Variants in TOM1L2 observed in about 807,000 individuals in gnomAD.
TOM1L2 encodes the protein TOM1-like protein 2.
A neutral mutation model predicts 67.9 loss-of-function variants in TOM1L2; 31 were observed. The ratio of observed to expected loss-of-function variants is 0.46; its 90% confidence interval spans 0.34 to 0.62. The LOEUF (loss-of-function observed/expected upper bound fraction) is 0.62, where lower values mean the gene tolerates loss of function less well. Among genes scored for constraint, TOM1L2 ranks in the 20% least tolerant of loss-of-function variants. The pLI, the probability that TOM1L2 is intolerant of heterozygous loss-of-function variation, is 0.01. For missense variants in TOM1L2, 606 were observed against 663.5 expected, an observed-to-expected ratio of 0.91 and a Z score of 0.95; for synonymous variants, 256 against 254.0, an observed-to-expected ratio of 1.01 and a Z score of -0.07.
At chr17:17,877,292 C>A (rs1262653119) in intron 7 of TOM1L2, among the ~76,000 whole-genome samples, 1 of 152,254 alleles carries the variant, frequency 6.6e-6, no homozygotes, top group Non-Finnish European at 1.5e-5. Flanking sequence ...CTATTCCCCC[C>A]ACCTCCTACC....
At chr17:17,857,933 T>C (rs1198365495) in intron 12 of TOM1L2, 2 of 1,299,346 alleles carry the variant, frequency 1.5e-6, no homozygotes, top group African/African-American at 2.9e-5. Context: ...AAGTCACTCT[T>C]CAGACGTGAT....
At chr17:17,918,006 T>C (rs917378751) in intron 1 of TOM1L2, among the ~76,000 whole-genome samples, 1 of 152,178 alleles carries the variant, frequency 6.6e-6, no homozygotes, top group Non-Finnish European at 1.5e-5. Context: ...CATATATTTA[T>C]GTCTTCTTTC....
At chr17:17,911,287 G>A (rs1000670022) in intron 1 of TOM1L2, among the ~76,000 whole-genome samples, 11 of 151,878 alleles carry the variant, frequency 7.2e-5, no homozygotes, top group African/African-American at 2.4e-4. Context: ...CTGATTACCC[G>A]AGCTCAGGCC....
chr17:17,874,899 C>T (rs1461955771), intron 7 of TOM1L2, among the ~76,000 whole-genome samples: 1 of 152,166 alleles, frequency 6.6e-6, no homozygotes, highest in African/African-American at 2.4e-5. Flanking sequence ...CAGGGATTTC[C>T]AGGGGTCTCT....
intron 2 of TOM1L2, among the ~76,000 whole-genome samples, chr17:17,903,217 G>A (rs1047129097): frequency 6.6e-6 from 1 of 151,940 alleles, no homozygotes; most frequent in Non-Finnish European, 1.5e-5. Flanking sequence ...TTATATGCCT[G>A]CATTCCTCAT....
chr17:17,891,784 C>CGTGTGTGTGTGT lies in TOM1L2; in HGVS notation c.366+1865_366+1876dup, dbSNP rs374192888. On this transcript the variant is annotated intron_variant, in intron 4 of 14. Transcript: ENST00000379504. ...ATGAGGAAGGTAAAGTGCATGCACA[C>CGTGTGTGTGTGT]GTGTGTGTGTGTGTGTGTGTGTGTG... 3.7e-3 allele frequency among the ~76,000 whole-genome samples: 537 copies of CGTGTGTGTGTGT among 143,218 alleles called. 5 individuals carry two copies. The highest frequency in any genetic ancestry group is 0.018 in the East Asian group (86 of 4,668). The allele number at this position is 143,218 out of a possible 152,430, so 94.0% of individuals were successfully genotyped here.
chr17:17,899,828 T>C lies in TOM1L2; in HGVS notation c.138-1154A>G, dbSNP rs181599107. Among the ~76,000 whole-genome samples the C allele has an allele frequency of 1.9e-4, 29 of 152,356 alleles. No individual in the cohort carries two copies. In the East Asian group the frequency reaches 4.6e-3, roughly 24 times the overall value. ...CCTATTCCTACAGTTTTAAAACATT[T>C]ATACTCTACCAAATGAAAAGGCCCC... On this transcript the variant is annotated intron_variant, in intron 2 of 14. Coordinates refer to ENST00000379504, the MANE Select transcript of TOM1L2 (RefSeq NM_001082968.2).
At chr17:17,853,835 G>C (rs2143566186) in intron 12 of TOM1L2, among the ~76,000 whole-genome samples, 1 of 152,218 alleles carries the variant, frequency 6.6e-6, no homozygotes, top group East Asian at 1.9e-4. Context: ...AGGAGCAGGG[G>C]ACAGAGGCCT....
chr17:17,872,085 G>C, intron 7 of TOM1L2: 1 of 980,408 alleles, frequency 1.0e-6, no homozygotes, highest in Non-Finnish European at 1.2e-6. Flanking sequence ...ATGGCCACAG[G>C]CGCCAATGGA....
intron 13 of TOM1L2, 151 bp downstream of exon 13, chr17:17,850,742 A>G: frequency 1.3e-6 from 1 of 786,722 alleles, no homozygotes. Flanking sequence ...GATGTCGGGG[A>G]GGAGGGGCAG....
intron 1 of TOM1L2, among the ~76,000 whole-genome samples, chr17:17,934,404 T>C (rs2040440651): frequency 6.6e-6 from 1 of 152,114 alleles, no homozygotes; most frequent in African/African-American, 2.4e-5. Context: ...TATGATGTCA[T>C]TAAATCCAGC....
chr17:17,886,824 CAGAG>C lies in TOM1L2; in HGVS notation c.367-2060_367-2057del, dbSNP rs146542892. 8.1e-3 allele frequency among the ~76,000 whole-genome samples: 1,239 copies of C among 152,340 alleles called. 19 individuals are homozygous for C. Among genetic ancestry groups the C allele is most frequent in the African/African-American group, 0.028 (1,151 of 41,556 alleles). ...CTAAGGCACTCTGCTTCCATGTTCACAGAGACAGACTGGAGTGGGAGGGAAATGC... is the reference window on the plus strand; with the variant it reads ...CTAAGGCACTCTGCTTCCATGTTCACACAGACTGGAGTGGGAGGGAAATGC... On this transcript the variant is annotated intron_variant, in intron 4 of 14. Coordinates refer to ENST00000379504, the MANE Select transcript of TOM1L2 (RefSeq NM_001082968.2).
chr17:17,926,489 G>A (rs138010646), intron 1 of TOM1L2, among the ~76,000 whole-genome samples: 10 of 152,202 alleles, frequency 6.6e-5, no homozygotes, highest in African/African-American at 2.4e-4. Context: ...AGATCATCTG[G>A]GAAATTACTC....
intron 7 of TOM1L2, 92 bp downstream of exon 7, chr17:17,879,535 G>A (rs2037602823): frequency 8.0e-6 from 8 of 995,460 alleles, no homozygotes; most frequent in Non-Finnish European, 1.1e-5. Flanking sequence ...GACCTGTCCC[G>A]CCTTGCCGCT....
chr17:17,957,589 A>C (rs1351101722), intron 1 of TOM1L2, among the ~76,000 whole-genome samples: 2 of 151,918 alleles, frequency 1.3e-5, no homozygotes, highest in Non-Finnish European at 2.9e-5. Flanking sequence ...CTCAGTGAAA[A>C]TCATTAGAAG....
Position 17,844,147 on chromosome 17 carries a change from A to C in TOM1L2, c.*3488T>G, listed in dbSNP as rs1343369660. 6.6e-6 allele frequency: 1 copy of C among 152,428 alleles called. No homozygotes were observed. Among genetic ancestry groups the C allele is most frequent in the African/African-American group, 2.4e-5 (1 of 41,452 alleles). The allele number at this position is 152,428 out of a possible 1,614,324, so 9.4% of individuals were successfully genotyped here. A position where few individuals can be genotyped will look rare whatever the true frequency, so the allele number is the denominator to read the frequency against. On this transcript the variant is annotated 3_prime_UTR_variant, in exon 15 of 15. Coordinates refer to ENST00000379504, the MANE Select transcript of TOM1L2 (RefSeq NM_001082968.2). ...GTGCTCCTCCACACTGCTCTTCCAG[A>C]GCTGCCCCAGGGGCTGGCCTGGCCC... is the stretch of plus-strand genomic sequence containing the variant.
At chr17:17,894,149 C>T (rs1321090291) in intron 3 of TOM1L2, among the ~76,000 whole-genome samples, 2 of 152,198 alleles carry the variant, frequency 1.3e-5, no homozygotes, top group Non-Finnish European at 2.9e-5. Flanking sequence ...ATTTTAACTC[C>T]TCTCTCTGGG....
rs771680754 is a variant in TOM1L2 at position 17,884,802 on chromosome 17, C to A, written c.367-34G>T. 2.4e-5 allele frequency: 38 copies of A among 1,611,592 alleles called. 1 individual carries two copies. The South Asian group carries it at 4.1e-4, about 17-fold the overall frequency. ...ATAGAAGGCCTGTTAGGAAGCATTTCTCAGAGCTGCCATGGTATCTGAAAA... is the reference window on the plus strand; with the variant it reads ...ATAGAAGGCCTGTTAGGAAGCATTTATCAGAGCTGCCATGGTATCTGAAAA... On this transcript the variant is annotated intron_variant, in intron 4 of 14. Transcript: ENST00000379504.
intron 1 of TOM1L2, among the ~76,000 whole-genome samples, chr17:17,919,939 C>G (rs943504499): frequency 6.6e-6 from 1 of 152,142 alleles, no homozygotes; most frequent in African/African-American, 2.4e-5. Context: ...CCACAGTGTG[C>G]AGAGAGGAGG....
Sources: gnomAD v4.1 joint callset for allele counts (sites outside exome capture counted in the v4.1 genomes callset) on GRCh38, gnomAD v4.1.1 for gene constraint, MANE v1.5 for transcripts, NCBI Gene and HGNC (gene_info 2026-07-23, HGNC 2026-07-21) for gene names.